Variants in ROCK2 observed in about 807,000 individuals in gnomAD.
ROCK2 encodes the protein Rho associated coiled-coil containing protein kinase 2.
Under a neutral mutation model 195.1 loss-of-function variants are expected in ROCK2, and 61 were observed. The observed-to-expected ratio is 0.31, with a 90% confidence interval of 0.25 to 0.39. The LOEUF (loss-of-function observed/expected upper bound fraction) is 0.39. Ranked by LOEUF, ROCK2 falls within the 10% of genes least tolerant of loss-of-function variation. ROCK2 has a pLI of 1.00. For synonymous variants in ROCK2, 504 were observed against 545.5 expected (o/e 0.92, Z 1.06); for missense variants, 1,109 against 1,637.4 (o/e 0.68, Z 5.57).
At chr2:11,343,666 G>A (rs1308266570) in intron 1 of ROCK2, among the ~76,000 whole-genome samples, 5 of 152,168 alleles carry the variant, frequency 3.3e-5, no homozygotes, top group African/African-American at 4.8e-5. Context: ...AGCTAACCTG[G>A]TGTATGAAGC....
intron 1 of ROCK2, among the ~76,000 whole-genome samples, chr2:11,305,785 T>C (rs1366879868): frequency 6.6e-6 from 1 of 152,222 alleles, no homozygotes; most frequent in African/African-American, 2.4e-5. Flanking sequence ...ACTATAGTTA[T>C]GTAAGATATA....
chr2:11,316,393 T>A (rs1030963784), intron 1 of ROCK2, among the ~76,000 whole-genome samples: 1 of 152,128 alleles, frequency 6.6e-6, no homozygotes, highest in Non-Finnish European at 1.5e-5. Flanking sequence ...CAGGTTTATA[T>A]AACAATAAAG....
Position 11,214,401 on chromosome 2 carries a change from GT to G in ROCK2, c.1998del (p.Glu666AspfsTer23), listed in dbSNP as rs1259376643. On this transcript the variant is annotated frameshift_variant, in exon 17 of 33. Coordinates refer to ENST00000315872, the MANE Select transcript of ROCK2 (RefSeq NM_004850.5). LOFTEE classifies it high-confidence loss of function. ...CTCTCCTGAAGTTGTCTCTTCTCCA[GT>G]TCTACTTTCGCTAGTAAGATTTTGC... ...KNGKILLAKVELEKRQLQERF... is the reference protein window; with the variant it reads ...KNGKILLAKVXLEKRQLQERF... 6.2e-7 allele frequency: 1 copy of G among 1,609,952 alleles called. No individual in the cohort carries two copies. The highest frequency in any genetic ancestry group is 8.5e-7 in the Non-Finnish European group (1 of 1,177,006).
intron 1 of ROCK2, among the ~76,000 whole-genome samples, chr2:11,339,854 C>T (rs889147515): frequency 6.6e-6 from 1 of 152,124 alleles, no homozygotes; most frequent in Non-Finnish European, 1.5e-5. Context: ...AATCCAGCAG[C>T]GGCGACGGCA....
intron 32 of ROCK2, among the ~76,000 whole-genome samples, chr2:11,186,191 C>T (rs1663191458): frequency 6.6e-6 from 1 of 152,152 alleles, no homozygotes; most frequent in South Asian, 2.1e-4. Flanking sequence ...ACTCACTGAA[C>T]ACATATCGCA....
chr2:11,198,022 C>A (rs1255607856), intron 25 of ROCK2, among the ~76,000 whole-genome samples: 3 of 152,168 alleles, frequency 2.0e-5, no homozygotes, highest in East Asian at 1.9e-4. Flanking sequence ...AATAGGCAGA[C>A]CTTTCTTCTT....
At chr2:11,314,339 AACTG>A (rs1470699438) in intron 1 of ROCK2, among the ~76,000 whole-genome samples, 5 of 151,926 alleles carry the variant, frequency 3.3e-5, no homozygotes, top group East Asian at 1.9e-4. Flanking sequence ...TCTTTAAAGA[AACTG>A]ACTGCATTGC....
At chr2:11,187,536 T>G (rs1321947348) in intron 32 of ROCK2, among the ~76,000 whole-genome samples, 2 of 152,234 alleles carry the variant, frequency 1.3e-5, no homozygotes, top group Non-Finnish European at 2.9e-5. Context: ...TCACTTTTTT[T>G]TACATTTAAC....
intron 1 of ROCK2, among the ~76,000 whole-genome samples, chr2:11,334,835 C>A (rs1256098516): frequency 6.6e-6 from 1 of 150,392 alleles, no homozygotes; most frequent in Non-Finnish European, 1.5e-5. Flanking sequence ...GTCTATAATC[C>A]CTTGAAAATA....
upstream of ROCK2, among the ~76,000 whole-genome samples, chr2:11,344,831 G>A (rs893829768): frequency 6.6e-6 from 1 of 150,714 alleles, no homozygotes; most frequent in African/African-American, 2.4e-5. The surrounding 1 kb of genome is among the most constrained non-coding windows in gnomAD (Gnocchi z 5.4). Flanking sequence ...TCCTCCCCCT[G>A]GCGAGGTTCT....
intron 1 of ROCK2, among the ~76,000 whole-genome samples, chr2:11,306,076 C>T (rs111450932): frequency 1.9e-4 from 29 of 152,164 alleles, no homozygotes; most frequent in African/African-American, 6.5e-4. Flanking sequence ...ATTCGAGAGC[C>T]ATGAGAGTTG....
In ROCK2 at chr2:11,201,303, T is replaced by C. The variant is rs745981174; in HGVS notation, c.2723+7A>G. On this transcript the variant is annotated splice_region_variant and intron_variant, in intron 22 of 32. Coordinates refer to ENST00000315872, the MANE Select transcript of ROCK2 (RefSeq NM_004850.5). This position sits in a 1 kb window ranked among gnomAD's most constrained non-coding sequence, Gnocchi z 4.6. ...TGAACAAAAAGAGACAAGGGTCTCATACTTACCGTTCATCCTGTAATTCCT... is the reference window on the plus strand; with the variant it reads ...TGAACAAAAAGAGACAAGGGTCTCACACTTACCGTTCATCCTGTAATTCCT... The C allele has an allele frequency of 1.1e-5, 18 of 1,593,210 alleles. No individual in the cohort carries two copies. Among genetic ancestry groups the C allele is most frequent in the Non-Finnish European group, 1.4e-5 (16 of 1,161,654 alleles).
intron 17 of ROCK2, among the ~76,000 whole-genome samples, chr2:11,213,096 C>T (rs185204029): frequency 4.6e-5 from 7 of 152,276 alleles, no homozygotes; most frequent in Non-Finnish European, 1.5e-5. Context: ...AAATATTCCT[C>T]TTCCAAATAT....
At chr2:11,342,284 G>GT (rs1236276660) in intron 1 of ROCK2, among the ~76,000 whole-genome samples, 1 of 152,142 alleles carries the variant, frequency 6.6e-6, no homozygotes, top group African/African-American at 2.4e-5. Flanking sequence ...ATAAAAGTGT[G>GT]TTTTGGCTGT....
intron 1 of ROCK2, among the ~76,000 whole-genome samples, chr2:11,306,541 T>C (rs1667864938): frequency 6.6e-6 from 1 of 152,212 alleles, no homozygotes; most frequent in East Asian, 1.9e-4. Context: ...GTGGTTGGCA[T>C]GCCGTAGTTA....
intron 3 of ROCK2, among the ~76,000 whole-genome samples, chr2:11,275,835 G>T (rs192729225): frequency 6.6e-6 from 1 of 151,888 alleles, no homozygotes; most frequent in African/African-American, 2.4e-5. Flanking sequence ...TAGCAGCTGG[G>T]ATTACAGCTG....
At chr2:11,267,789 G>A (rs1002219454) in intron 3 of ROCK2, among the ~76,000 whole-genome samples, 1 of 150,756 alleles carries the variant, frequency 6.6e-6, no homozygotes, top group Non-Finnish European at 1.5e-5. Context: ...GGGACTACAG[G>A]TGCACGCCAC....
In ROCK2 at chr2:11,215,097, A is replaced by G. The variant is rs1381560987; in HGVS notation, c.1690-11T>C. The G allele has an allele frequency of 1.9e-6, 3 of 1,613,110 alleles. No individual in the cohort carries two copies. The highest frequency in any genetic ancestry group is 2.5e-6 in the Non-Finnish European group (3 of 1,179,400). ...ATTGGTTTCATCCAGCTGTTATTCCATTCAAAACCAAACAACAACAAACAA... is the reference window on the plus strand; with the variant it reads ...ATTGGTTTCATCCAGCTGTTATTCCGTTCAAAACCAAACAACAACAAACAA... On this transcript the variant is annotated splice_polypyrimidine_tract_variant and intron_variant, in intron 15 of 32. Transcript: ENST00000315872.
chr2:11,310,068 T>A (rs1667986867), intron 1 of ROCK2, among the ~76,000 whole-genome samples: 1 of 152,240 alleles, frequency 6.6e-6, no homozygotes, highest in South Asian at 2.1e-4. Context: ...ATTATAAAAT[T>A]ACGTAAAATA....
Sources: allele counts gnomAD v4.1 joint callset (sites outside exome capture counted in the v4.1 genomes callset), GRCh38; gene constraint gnomAD v4.1.1; non-coding constraint Gnocchi (gnomAD v3.1); transcripts MANE v1.5; gene names NCBI Gene and HGNC (gene_info 2026-07-23, HGNC 2026-07-21).